The following CWF19L1 variants were observed in gnomAD, a reference collection of about 807,000 sequenced individuals.
CWF19L1 encodes CWF19-like protein 1.
CWF19L1 carries 60 observed loss-of-function variants against 69.7 expected under a neutral mutation model. The ratio of observed to expected loss-of-function variants is 0.86; its 90% CI spans 0.70 to 1.07. The LOEUF is 1.07. Among genes scored for constraint, CWF19L1 ranks in the 50% least tolerant of loss-of-function variants. CWF19L1 has a pLI of 0.00. For missense variants in CWF19L1, 591 were observed against 638.9 expected (o/e 0.92, Z 0.81); for synonymous variants, 209 against 222.2 (o/e 0.94, Z 0.53).
intron 12 of CWF19L1, 146 bp from the exon 13 acceptor site, chr10:100,235,910 C>T (rs1846419513): frequency 1.6e-6 from 1 of 617,492 alleles, no homozygotes; most frequent in Non-Finnish European, 2.8e-6. Context: ...CTTAGTGGAA[C>T]TAGGGCTTAA....
rs1026917956 is a variant in CWF19L1 at position 100,233,020 on chromosome 10, C to T, written c.*207G>A. 1.8e-5 allele frequency: 7 copies of T among 385,848 alleles called. No individual in the cohort carries two copies. The highest frequency in any genetic ancestry group is 6.0e-5 in the South Asian group (1 of 16,654). The allele number at this position is 385,848 out of a possible 1,614,324, so 23.9% of individuals were successfully genotyped here. A position where few individuals can be genotyped will look rare whatever the true frequency, so the allele number is the denominator to read the frequency against. ...AAAGTTTGCCAGGCATGGTAGCATG[C>T]GCCTGTGGTCCCAGCTACTCATGAG... On this transcript the variant is annotated 3_prime_UTR_variant, in exon 14 of 14. Transcript: ENST00000354105.
chr10:100,265,008 C>G (rs1446951044), intron 1 of CWF19L1, among the ~76,000 whole-genome samples: 1 of 151,790 alleles, frequency 6.6e-6, no homozygotes, highest in Non-Finnish European at 1.5e-5. Flanking sequence ...GTAGTCCCAG[C>G]TACTCAGGAG....
chr10:100,232,717 C>T lies in CWF19L1; in HGVS notation c.*510G>A, dbSNP rs964561428. ...CGTGAGCCACTGCGCCCGGCCTTAA[C>T]ATAGGATTTTCATCCTAGAATGACT... On this transcript the variant is annotated 3_prime_UTR_variant, in exon 14 of 14. Coordinates refer to ENST00000354105, the MANE Select transcript of CWF19L1 (RefSeq NM_018294.6). 1.3e-5 allele frequency: 2 copies of T among 152,348 alleles called. No individual in the cohort carries two copies. The highest frequency in any genetic ancestry group is 4.8e-5 in the African/African-American group (2 of 41,456). 9.4% of individuals were successfully genotyped at this position (152,348 alleles called of 1,614,324 possible).
At chr10:100,261,115 T>C in intron 2 of CWF19L1, 71 bp from the exon 3 acceptor site, 5 of 967,678 alleles carry the variant, frequency 5.2e-6, no homozygotes. Context: ...ATAGTAATAT[T>C]CAACTAGTTA....
intron 10 of CWF19L1, among the ~76,000 whole-genome samples, chr10:100,240,885 A>G (rs1846613337): frequency 6.6e-6 from 1 of 151,938 alleles, no homozygotes; most frequent in African/African-American, 2.4e-5. Context: ...GAGCTTCTCA[A>G]GTTTGCTCTT....
intron 3 of CWF19L1, among the ~76,000 whole-genome samples, chr10:100,260,713 C>T (rs959339648): frequency 2.6e-5 from 4 of 151,942 alleles, no homozygotes; most frequent in African/African-American, 4.8e-5. Flanking sequence ...AGTAGACACA[C>T]GGTTTCACCA....
At chr10:100,262,241 C>T (rs1847427927) in intron 1 of CWF19L1, 178 bp from the exon 2 acceptor site, 2 of 985,324 alleles carry the variant, frequency 2.0e-6, no homozygotes, top group East Asian at 2.3e-4. Context: ...ACCAACACCT[C>T]CCACTCGCCG....
chr10:100,261,919 CTTTATT>C (rs1847415199), intron 2 of CWF19L1, 54 bp downstream of exon 2: 1 of 1,472,356 alleles, frequency 6.8e-7, no homozygotes, highest in Non-Finnish European at 9.2e-7. Flanking sequence ...GGAGTGCAAA[CTTTATT>C]TTTATGTGTG....
chr10:100,249,995 A>G (rs1315736152), intron 7 of CWF19L1: 1 of 484,472 alleles, frequency 2.1e-6, no homozygotes, highest in Non-Finnish European at 3.7e-6. Flanking sequence ...GTGGAAGTAA[A>G]GGAACACTGT....
intron 7 of CWF19L1, chr10:100,248,765 T>C (rs1846919476): frequency 2.9e-6 from 4 of 1,398,126 alleles, no homozygotes; most frequent in Non-Finnish European, 4.0e-6. Context: ...GACGTGTCCT[T>C]GACACATCTG....
At chr10:100,265,272 CTT>C (rs1410948346) in intron 1 of CWF19L1, among the ~76,000 whole-genome samples, 2 of 151,810 alleles carry the variant, frequency 1.3e-5, no homozygotes, top group Admixed American at 6.6e-5. Flanking sequence ...TGTAAAAAAA[CTT>C]AAAGTTTATA....
chr10:100,236,996 T>G lies in CWF19L1; in HGVS notation c.1255-27A>C, dbSNP rs771101996. ...TGGGGGTTGGGGAGACAGGAGAAAT[T>G]CCTTGTGCAGGTCCCAGAGAAGTTG... is the stretch of plus-strand genomic sequence containing the variant. On this transcript the variant is annotated intron_variant, in intron 11 of 13. Coordinates refer to ENST00000354105, the MANE Select transcript of CWF19L1 (RefSeq NM_018294.6). 22 of 1,551,652 alleles carry G rather than the reference T, an allele frequency of 1.4e-5. No homozygotes were observed. In the South Asian group the frequency reaches 2.7e-4, roughly 19 times the overall value.
chr10:100,247,009 G>A (rs1846848168), intron 7 of CWF19L1, 74 bp from the exon 8 acceptor site: 5 of 1,343,082 alleles, frequency 3.7e-6, no homozygotes, highest in Non-Finnish European at 5.0e-6. Flanking sequence ...ATTTTACTGT[G>A]AAGATTTCAC....
At chr10:100,252,494 A>G (rs948524546) in intron 6 of CWF19L1, among the ~76,000 whole-genome samples, 6 of 152,036 alleles carry the variant, frequency 3.9e-5, no homozygotes, top group African/African-American at 1.4e-4. Flanking sequence ...CAAAAATTAA[A>G]AAAATAAAAA....
intron 6 of CWF19L1, among the ~76,000 whole-genome samples, chr10:100,252,383 C>T (rs1249229697): frequency 1.3e-5 from 2 of 151,388 alleles, no homozygotes; most frequent in Non-Finnish European, 1.5e-5. Flanking sequence ...TGCAGTGAGC[C>T]GAGATCATGC....
At chr10:100,252,534 T>TA (rs202238634) in intron 6 of CWF19L1, among the ~76,000 whole-genome samples, 4 of 150,650 alleles carry the variant, frequency 2.7e-5, no homozygotes, top group South Asian at 2.1e-4. Flanking sequence ...AGAAAAAAAA[T>TA]AAAAAAAAAT....
At chr10:100,233,605 T>C (rs1026367610) in intron 13 of CWF19L1, among the ~76,000 whole-genome samples, 4 of 152,182 alleles carry the variant, frequency 2.6e-5, no homozygotes, top group Non-Finnish European at 2.9e-5. Flanking sequence ...CTTGGAACTA[T>C]ATTATTGGTA....
At chr10:100,237,539 T>A (rs917425603) in intron 11 of CWF19L1, among the ~76,000 whole-genome samples, 3 of 152,226 alleles carry the variant, frequency 2.0e-5, no homozygotes, top group Non-Finnish European at 2.9e-5. Context: ...CACTTCCCTG[T>A]GAAGTCTCTG....
At chr10:100,238,359 T>C (rs2134277847) in intron 10 of CWF19L1, 128 bp from the exon 11 acceptor site, 1 of 763,616 alleles carries the variant, frequency 1.3e-6, no homozygotes, top group African/African-American at 1.8e-5. Flanking sequence ...ATAAAAATTC[T>C]TTCTTGAAAA....
Sources: gnomAD v4.1 joint callset for allele counts (sites outside exome capture counted in the v4.1 genomes callset) on GRCh38, gnomAD v4.1.1 for gene constraint, MANE v1.5 for transcripts, NCBI Gene and HGNC (gene_info 2026-07-23, HGNC 2026-07-21) for gene names.